The following MDGA2 variants were observed in gnomAD, a reference collection of about 807,000 sequenced individuals.
MDGA2 encodes the protein MAM domain containing glycosylphosphatidylinositol anchor 2.
In MDGA2, 40 loss-of-function variants were observed where a neutral mutation model predicts 117.8. The observed-to-expected ratio is 0.34, with a 90% CI of 0.26 to 0.44. The LOEUF is 0.44. MDGA2 is among the 20% of genes least tolerant of loss of function. The pLI, the probability that MDGA2 is intolerant of heterozygous loss-of-function variation, is 1.00. For synonymous variants in MDGA2, 452 were observed against 439.0 expected (o/e 1.03, Z -0.37); for missense variants, 1,123 against 1,250.6 (o/e 0.90, Z 1.54).
At chr14:47,594,599 G>GCC (rs1896501148) in intron 1 of MDGA2, among the ~76,000 whole-genome samples, 1 of 152,120 alleles carries the variant, frequency 6.6e-6, no homozygotes, top group Admixed American at 6.6e-5. Flanking sequence ...AGGAAATACT[G>GCC]CCCCCTAAGT....
intron 5 of MDGA2, among the ~76,000 whole-genome samples, chr14:47,106,738 C>T (rs1011724915): frequency 1.9e-4 from 29 of 151,176 alleles, no homozygotes; most frequent in African/African-American, 5.4e-4. Flanking sequence ...GGAAGGTAAG[C>T]CCGTCCCCTT....
chr14:47,661,835 A>G (rs1463214580), intron 1 of MDGA2, among the ~76,000 whole-genome samples: 1 of 139,316 alleles, frequency 7.2e-6, no homozygotes, highest in Non-Finnish European at 1.5e-5. Context: ...TCTCAGGTTC[A>G]AGGGATTCTC....
chr14:47,414,171 A>G (rs1353292557), intron 1 of MDGA2, among the ~76,000 whole-genome samples: 1 of 152,184 alleles, frequency 6.6e-6, no homozygotes, highest in Non-Finnish European at 1.5e-5. Context: ...GCCCTAGACT[A>G]TTATCCAGCT....
chr14:47,400,560 A>C (rs10147512), intron 1 of MDGA2, among the ~76,000 whole-genome samples: 117,006 of 150,474 alleles, frequency 0.78, 45,721 homozygotes, highest in Middle Eastern at 0.85. Context: ...AACACATAAG[A>C]CTTAAAACCC....
chr14:47,134,825 A>C (rs964225388), intron 4 of MDGA2, among the ~76,000 whole-genome samples: 1 of 151,518 alleles, frequency 6.6e-6, no homozygotes, highest in African/African-American at 2.4e-5. Flanking sequence ...AAAAATAACC[A>C]ACCTCTAATC....
At chr14:47,034,729 T>TACACACACAC (rs59191576) in intron 8 of MDGA2, among the ~76,000 whole-genome samples, 1 of 147,056 alleles carries the variant, frequency 6.8e-6, no homozygotes, top group African/African-American at 2.5e-5. Context: ...ATAATTATCA[T>TACACACACAC]ACACACACAC....
chr14:47,175,584 T>C (rs907039792), intron 3 of MDGA2, among the ~76,000 whole-genome samples: 3 of 152,078 alleles, frequency 2.0e-5, no homozygotes, highest in African/African-American at 4.8e-5. Flanking sequence ...AAAAGGCCTT[T>C]GACAAAATTC....
Position 47,019,768 on chromosome 14 carries a change from C to T in MDGA2, c.1819+15243G>A, listed in dbSNP as rs548025585. Among the ~76,000 whole-genome samples the T allele has an allele frequency of 2.7e-5, 4 of 149,394 alleles. No homozygotes were observed. The South Asian group carries it at 8.4e-4, about 32-fold the overall frequency. On this transcript the variant is annotated intron_variant, in intron 8 of 16. Transcript: ENST00000399232. ...CTGAGGCAGGAGAATGACGTGAACC[C>T]GGGAGGCGGAGCTTGCAGTGAGCCG...
intron 1 of MDGA2, among the ~76,000 whole-genome samples, chr14:47,575,477 G>A (rs749927816): frequency 1.3e-5 from 2 of 151,936 alleles, no homozygotes; most frequent in African/African-American, 2.4e-5. Context: ...TAGACTCTGA[G>A]AGAAATTCCA....
chr14:47,288,882 T>G (rs1041730065), intron 2 of MDGA2, among the ~76,000 whole-genome samples: 1 of 152,118 alleles, frequency 6.6e-6, no homozygotes, highest in African/African-American at 2.4e-5. Flanking sequence ...ACAGAAAGAT[T>G]GTTATTCCTT....
Position 47,144,270 on chromosome 14 carries a change from C to G in MDGA2, c.600G>C (p.Leu200Phe), listed in dbSNP as rs761831305. The change falls in exon 4 of 17, where the codon TTG becomes TTC. Residue 200 changes from leucine to phenylalanine, a missense_variant. By Grantham distance (22) the Leu-to-Phe change is conservative. Around this residue, in one of 2 missense-constraint regions of MDGA2, gnomAD observed 890 missense variants for 1,050.3 expected, o/e 0.85. Transcript: ENST00000399232. ...GATGAACAGTTACTACTGGATCATC[C>G]AAATCTAAAGGAAATAAAAACAACC... ...IKSIRVDVYY[L>F]DDPVVTVHQS... 4.5e-6 allele frequency: 7 copies of G among 1,544,548 alleles called. No individual in the cohort carries two copies. The South Asian group carries it at 7.2e-5, about 16-fold the overall frequency.
intron 6 of MDGA2, among the ~76,000 whole-genome samples, chr14:47,088,374 T>C (rs1369064634): frequency 6.6e-6 from 1 of 152,176 alleles, no homozygotes; most frequent in Non-Finnish European, 1.5e-5. Flanking sequence ...TTAATCTGCA[T>C]GAATAATTGG....
intron 6 of MDGA2, among the ~76,000 whole-genome samples, chr14:47,070,024 G>C (rs1345174465): frequency 2.0e-5 from 3 of 151,680 alleles, no homozygotes; most frequent in Non-Finnish European, 4.4e-5. Flanking sequence ...TTTTTGGGTG[G>C]GGTGGGGTTA....
At chr14:47,156,088 A>G (rs1001649708) in intron 3 of MDGA2, among the ~76,000 whole-genome samples, 1 of 150,754 alleles carries the variant, frequency 6.6e-6, no homozygotes, top group Non-Finnish European at 1.5e-5. Flanking sequence ...TTGTATTTTT[A>G]GTAGAGGCGG....
chr14:47,309,406 T>C (rs1474526013), intron 1 of MDGA2, among the ~76,000 whole-genome samples: 1 of 152,146 alleles, frequency 6.6e-6, no homozygotes, highest in Non-Finnish European at 1.5e-5. Flanking sequence ...AAAGTGAAAG[T>C]AGTAAGATCC....
intron 8 of MDGA2, among the ~76,000 whole-genome samples, chr14:46,971,529 T>C (rs776528553): frequency 5.3e-5 from 8 of 152,052 alleles, no homozygotes; most frequent in Admixed American, 5.2e-4. Flanking sequence ...AGATAGAGTA[T>C]AGATAGATAT....
chr14:47,592,519 A>C (rs1337840592), intron 1 of MDGA2, among the ~76,000 whole-genome samples: 2 of 152,212 alleles, frequency 1.3e-5, no homozygotes, highest in African/African-American at 2.4e-5. Flanking sequence ...CCAAAAGAGC[A>C]TGGTATTGGT....
At chr14:47,040,065 G>T (rs1456160701) in intron 7 of MDGA2, among the ~76,000 whole-genome samples, 1 of 151,996 alleles carries the variant, frequency 6.6e-6, no homozygotes, top group African/African-American at 2.4e-5. Context: ...AATTTTCAAT[G>T]AATGTTAACA....
intron 1 of MDGA2, among the ~76,000 whole-genome samples, chr14:47,357,097 G>A (rs1219079213): frequency 6.6e-6 from 1 of 152,162 alleles, no homozygotes; most frequent in African/African-American, 2.4e-5. Context: ...TTACTTGGTT[G>A]GTTAAACCGT....
Sources: gnomAD v4.1 joint callset for allele counts (sites outside exome capture counted in the v4.1 genomes callset) on GRCh38, gnomAD v4.1.1 for gene constraint, gnomAD v4.1.1 regional missense constraint, MANE v1.5 for transcripts, NCBI Gene and HGNC (gene_info 2026-07-23, HGNC 2026-07-21) for gene names.